CCDC154: variants seen among roughly 807,000 people sequenced by gnomAD.
CCDC154 encodes coiled-coil domain containing 154.
Under a neutral mutation model 87.5 loss-of-function variants are expected in CCDC154, and 91 were observed. That is an observed-to-expected ratio of 1.04 (90% CI 0.88 to 1.24). The LOEUF (loss-of-function observed/expected upper bound fraction) is 1.24. Among genes scored for constraint, CCDC154 ranks in the 50% most tolerant of loss-of-function variants. The pLI is 0.00. For synonymous variants in CCDC154, 418 were observed against 400.4 expected (o/e 1.04, Z -0.52); for missense variants, 903 against 879.2 (o/e 1.03, Z -0.34).
In CCDC154 at chr16:1,435,113, G is replaced by C; in HGVS notation, c.1668C>G (p.Leu556=). ...CCAGCCGGGCCTCAGTGTTGAACCT[G>C]AGGTTCTGGATGGTCTTGTTGGCCT... ...CVQANKTIQN[L]RFNTEARLRT... The change falls in exon 15 of 17, where the codon CTC becomes CTG. Residue 556 remains leucine, a synonymous_variant. Coordinates refer to ENST00000389176, the MANE Select transcript of CCDC154 (RefSeq NM_001143980.3). 4 of 1,550,134 alleles carry C rather than the reference G, an allele frequency of 2.6e-6. No individual in the cohort carries two copies. The highest frequency in any genetic ancestry group is 3.5e-6 in the Non-Finnish European group (4 of 1,146,860).
At chr16:1,442,290 C>T (rs556648019) in intron 6 of CCDC154, 116 bp downstream of exon 6, 3 of 1,167,226 alleles carry the variant, frequency 2.6e-6, no homozygotes, top group East Asian at 2.7e-5. Context: ...TAGCTGATTT[C>T]AGTGGACACA....
chr16:1,436,106 A>G lies in CCDC154; in HGVS notation c.1488-20T>C, dbSNP rs1267469089. ...AACTCCCTATGGGCACCAGAGGCCG[A>G]GGCTGGCTGTCGGGTGTGCTCGGGG... On this transcript the variant is annotated intron_variant, in intron 13 of 16. Coordinates refer to ENST00000389176, the MANE Select transcript of CCDC154 (RefSeq NM_001143980.3). The G allele has an allele frequency of 1.9e-6, 3 of 1,544,530 alleles. No homozygotes were observed. In the East Asian group the frequency reaches 7.3e-5, roughly 38 times the overall value.
chr16:1,437,776 T>C, intron 11 of CCDC154, 41 bp downstream of exon 11: 1 of 1,498,100 alleles, frequency 6.7e-7, no homozygotes, highest in South Asian at 1.2e-5. Context: ...GGGTGGGGAC[T>C]CCCCATAGCC....
At position 1,444,340 on chromosome 16, in the gene CCDC154, G is replaced by A. The variant is rs1447715662; in HGVS notation, c.-18C>T. The A allele has an allele frequency of 1.5e-5, 20 of 1,301,104 alleles. No homozygotes were observed. Among genetic ancestry groups the A allele is most frequent in the East Asian group, 5.5e-5 (1 of 18,036 alleles). The allele number at this position is 1,301,104 out of a possible 1,614,324, so 80.6% of individuals were successfully genotyped here. On this transcript the variant is annotated 5_prime_UTR_variant, in exon 1 of 17. Coordinates refer to ENST00000389176, the MANE Select transcript of CCDC154 (RefSeq NM_001143980.3). ...CCTGACATGGCTGCTGGGCTGCACC[G>A]GCCACCCTGCCCTCGGCTGTAGCTT...
rs867648011 is a variant in CCDC154, at chr16:1,439,017, G to A, written c.777+8C>T. The A allele has an allele frequency of 7.1e-6, 11 of 1,550,054 alleles. No individual in the cohort carries two copies. The South Asian group carries it at 1.1e-4, about 15-fold the overall frequency. On this transcript the variant is annotated splice_region_variant and intron_variant, in intron 7 of 16. Coordinates refer to ENST00000389176, the MANE Select transcript of CCDC154 (RefSeq NM_001143980.3). ...GGCAGGGCAGGCCAGCCGCGGGCAG[G>A]CTCCCACCTTCTCCAGGGCCAGGAA...
chr16:1,434,683 A>C lies in CCDC154; in HGVS notation c.1862T>G (p.Val621Gly), dbSNP rs1313813727. 1.7e-5 allele frequency: 27 copies of C among 1,546,302 alleles called. No individual in the cohort carries two copies. The highest frequency in any genetic ancestry group is 1.7e-4 in the Middle Eastern group (1 of 5,888). ...TGCTGCCCACCTCACAGCCTGGTAC[A>C]CGCCCCAGCAGTTCATGGGCACCAC... is the stretch of plus-strand genomic sequence containing the variant. The part of the protein sequence containing the change: ...GKVVPMNCWG[V>G]YQAVRWLRWK... The change falls in exon 16 of 17, where the codon GTG becomes GGG. Residue 621 changes from valine to glycine, a missense_variant. Coordinates refer to ENST00000389176, the MANE Select transcript of CCDC154 (RefSeq NM_001143980.3).
At chr16:1,435,910 C>G in intron 14 of CCDC154, 59 bp downstream of exon 14, 1 of 1,405,564 alleles carries the variant, frequency 7.1e-7, no homozygotes, top group Non-Finnish European at 9.8e-7. Context: ...ACGGCTGCCC[C>G]GTCTGAACCT....
intron 13 of CCDC154, 61 bp downstream of exon 13, chr16:1,436,384 G>C (rs1042789161): frequency 8.0e-6 from 11 of 1,374,392 alleles, no homozygotes; most frequent in Non-Finnish European, 1.0e-5. Context: ...CGTGGGGACC[G>C]GCCCAGCCCA....
At position 1,438,715 on chromosome 16, in the gene CCDC154, C is replaced by A. The variant is rs1337584496; in HGVS notation, c.929G>T (p.Cys310Phe). The A allele has an allele frequency of 2.6e-6, 4 of 1,549,950 alleles. No homozygotes were observed. Among genetic ancestry groups the A allele is most frequent in the East Asian group, 4.9e-5 (2 of 40,896 alleles). Residue 310 changes from cysteine to phenylalanine, a missense_variant, in exon 9 of 17, where the codon TGC (cysteine) becomes TTC (phenylalanine). By Grantham distance (205) the Cys-to-Phe change is radical. Coordinates refer to ENST00000389176, the MANE Select transcript of CCDC154 (RefSeq NM_001143980.3). ...QHEESHLLEQCQGLDAAVAQL... is the reference protein window; with the variant it reads ...QHEESHLLEQFQGLDAAVAQL... Reference sequence around the variant, plus strand: ...GGCCACGGCAGCATCCAGGCCCTGGCACTGCTCCAGGAGGTGGCTCTCCTG... The same window carrying A: ...GGCCACGGCAGCATCCAGGCCCTGGAACTGCTCCAGGAGGTGGCTCTCCTG...
intron 14 of CCDC154, among the ~76,000 whole-genome samples, 190 bp downstream of exon 14, chr16:1,435,779 G>A (rs2142350438): frequency 6.6e-6 from 1 of 152,262 alleles, no homozygotes; most frequent in South Asian, 2.1e-4. Flanking sequence ...ACCCGCCTCG[G>A]CCTCCCAAAG....
rs1483981714 is a variant in CCDC154, at chr16:1,434,986, GGACA to G, written c.1692+99_1692+102del. 9.7e-5 allele frequency: 138 copies of G among 1,425,942 alleles called. 1 individual carries two copies. In the East Asian group the frequency reaches 1.2e-3, roughly 12 times the overall value. The allele number at this position is 1,425,942 out of a possible 1,614,324, so 88.3% of individuals were successfully genotyped here. A position where few individuals can be genotyped will look rare whatever the true frequency, so the allele number is the denominator to read the frequency against. ...AAACCCTGCCCATGGCCAGACACTT[GGACA>G]GACAGACACTGGCGCCTGCAGCAGG... On this transcript the variant is annotated intron_variant, in intron 15 of 16. Coordinates refer to ENST00000389176, the MANE Select transcript of CCDC154 (RefSeq NM_001143980.3).
chr16:1,438,947 T>A lies in CCDC154; in HGVS notation c.778-4A>T. The stretch of plus-strand genomic sequence containing the variant: ...AGCTCTCCGAGGCCTTCATTCTCTG[T>A]GGGGAGACCCCACTGTCAGCTGCAG... On this transcript the variant is annotated splice_polypyrimidine_tract_variant and splice_region_variant and intron_variant, in intron 7 of 16. Coordinates refer to ENST00000389176, the MANE Select transcript of CCDC154 (RefSeq NM_001143980.3). 6.5e-7 allele frequency: 1 copy of A among 1,548,958 alleles called. No homozygotes were observed. The highest frequency in any genetic ancestry group is 8.7e-7 in the Non-Finnish European group (1 of 1,146,070).
intron 6 of CCDC154, 45 bp downstream of exon 6, chr16:1,442,361 C>T: frequency 6.6e-7 from 1 of 1,514,858 alleles, no homozygotes; most frequent in South Asian, 1.3e-5. Flanking sequence ...GGGTCTCCTC[C>T]TCGGCCCTCT....
chr16:1,436,627 G>A, intron 12 of CCDC154, 65 bp downstream of exon 12: 1 of 1,546,490 alleles, frequency 6.5e-7, no homozygotes, highest in East Asian at 2.4e-5. Context: ...ACAAGGTGCA[G>A]GGAGAAGGGT....
intron 5 of CCDC154, 34 bp from the exon 6 acceptor site, chr16:1,442,563 C>G (rs746461255): frequency 3.3e-6 from 5 of 1,498,752 alleles, no homozygotes; most frequent in Non-Finnish European, 2.7e-6. Flanking sequence ...ACCAGCCCAG[C>G]TGGCCGGAGG....
rs925973153 is a variant in CCDC154, at chr16:1,437,921, C to T, written c.1186G>A (p.Val396Met). 5.8e-6 allele frequency: 9 copies of T among 1,547,192 alleles called. No homozygotes were observed. Among genetic ancestry groups the T allele is most frequent in the Admixed American group, 2.0e-5 (1 of 50,964 alleles). ...REKSRALEASVAQLAGQLKEL... is the reference protein window; with the variant it reads ...REKSRALEASMAQLAGQLKEL... Reference sequence around the variant, plus strand: ...TTTAACTGCCCGGCCAGCTGCGCCACGGATGCCTCCAGAGCCCGGCTCTTC... The same window carrying T: ...TTTAACTGCCCGGCCAGCTGCGCCATGGATGCCTCCAGAGCCCGGCTCTTC... The change falls in exon 11 of 17, where the codon GTG becomes ATG. Residue 396 changes from valine to methionine, a missense_variant. Val to Met is a conservative substitution (Grantham distance 21, BLOSUM62 1). Coordinates refer to ENST00000389176, the MANE Select transcript of CCDC154 (RefSeq NM_001143980.3).
At chr16:1,437,242 T>C (rs1478511415) in intron 11 of CCDC154, 1 of 208,108 alleles carries the variant, frequency 4.8e-6, no homozygotes, top group African/African-American at 2.4e-5. Context: ...GGAAACGGGA[T>C]GCCCGTGGGT....
rs559803898 is a variant in CCDC154 at position 1,444,436 on chromosome 16, C to T, written c.-114G>A. ...GGGGGTCAGGAGCCAGAGGAAGTCCCGTGAGAGCTCTGGGCCTTGAGGGAC... is the reference window on the plus strand; with the variant it reads ...GGGGGTCAGGAGCCAGAGGAAGTCCTGTGAGAGCTCTGGGCCTTGAGGGAC... On this transcript the variant is annotated 5_prime_UTR_variant, in exon 1 of 17. Transcript: ENST00000389176. 4.9e-5 allele frequency: 54 copies of T among 1,100,730 alleles called. No homozygotes were observed. Among genetic ancestry groups the T allele is most frequent in the Non-Finnish European group, 6.0e-5 (51 of 843,448 alleles). The allele number at this position is 1,100,730 out of a possible 1,614,324, so 68.2% of individuals were successfully genotyped here.
At chr16:1,436,585 G>A (rs947529521) in intron 12 of CCDC154, 64 bp from the exon 13 acceptor site, 22 of 1,545,018 alleles carry the variant, frequency 1.4e-5, no homozygotes, top group Middle Eastern at 3.3e-4. Flanking sequence ...CCTTGGCCTC[G>A]ACCCACACAG....
Sources: gnomAD v4.1 joint callset for allele counts (sites outside exome capture counted in the v4.1 genomes callset) on GRCh38, gnomAD v4.1.1 for gene constraint, MANE v1.5 for transcripts, NCBI Gene and HGNC (gene_info 2026-07-23, HGNC 2026-07-21) for gene names.